The following ERBB4 variants were observed in gnomAD, a reference collection of about 807,000 sequenced individuals.
ERBB4 encodes the protein erb-b2 receptor tyrosine kinase 4.
ERBB4 carries 42 observed loss-of-function variants against 158.0 expected under a neutral mutation model. The observed-to-expected ratio is 0.27, with a 90% confidence interval of 0.21 to 0.34. ERBB4 has a LOEUF of 0.34. Ranked by LOEUF, ERBB4 falls within the 10% of genes least tolerant of loss-of-function variation. The pLI, the probability that ERBB4 is intolerant of heterozygous loss-of-function variation, is 1.00. For missense variants in ERBB4, 1,333 were observed against 1,624.1 expected (o/e 0.82, Z 3.08); for synonymous variants, 583 against 558.7 (o/e 1.04, Z -0.61).
chr2:212,062,536 T>C (rs2077812260), intron 2 of ERBB4, among the ~76,000 whole-genome samples: 1 of 148,952 alleles, frequency 6.7e-6, no homozygotes, highest in African/African-American at 2.5e-5. Context: ...GCCTCCCGAG[T>C]AGCTGAGATT....
At chr2:211,572,772 T>A (rs1459161609) in intron 19 of ERBB4, among the ~76,000 whole-genome samples, 3 of 152,250 alleles carry the variant, frequency 2.0e-5, no homozygotes, top group African/African-American at 7.2e-5. Flanking sequence ...CAACTTTGTA[T>A]GCCATGTGTT....
chr2:211,892,560 C>T (rs998904010), intron 3 of ERBB4, among the ~76,000 whole-genome samples: 1 of 142,506 alleles, frequency 7.0e-6, no homozygotes, highest in Non-Finnish European at 1.5e-5. Context: ...CTGGCCAGGG[C>T]AATTAGGCAG....
chr2:212,338,820 A>G (rs1029918079), intron 1 of ERBB4, among the ~76,000 whole-genome samples: 1 of 152,186 alleles, frequency 6.6e-6, no homozygotes, highest in African/African-American at 2.4e-5. Flanking sequence ...AAACATTCAT[A>G]TGGAGAAATT....
chr2:212,094,159 G>A (rs2078860186), intron 2 of ERBB4, among the ~76,000 whole-genome samples: 2 of 151,918 alleles, frequency 1.3e-5, no homozygotes, highest in African/African-American at 4.8e-5. Flanking sequence ...TTCACTGATG[G>A]GGTGAACCTC....
chr2:212,079,044 T>C (rs150544956), intron 2 of ERBB4, among the ~76,000 whole-genome samples: 1 of 151,326 alleles, frequency 6.6e-6, no homozygotes, highest in East Asian at 1.9e-4. Context: ...ATATTATCCA[T>C]AAAGCATAAT....
intron 25 of ERBB4, among the ~76,000 whole-genome samples, chr2:211,393,771 G>A (rs2125335505): frequency 6.7e-6 from 1 of 149,066 alleles, no homozygotes; most frequent in East Asian, 1.9e-4. Flanking sequence ...GTGTGTGTGT[G>A]TGTGTGTGTG....
chr2:212,509,566 A>G (rs898482048), intron 1 of ERBB4, among the ~76,000 whole-genome samples: 1 of 151,524 alleles, frequency 6.6e-6, no homozygotes, highest in African/African-American at 2.4e-5. Flanking sequence ...ACCTGTAAAT[A>G]ATTTAATTTA....
intron 2 of ERBB4, among the ~76,000 whole-genome samples, chr2:212,045,117 A>C (rs1185876659): frequency 1.3e-5 from 2 of 152,150 alleles, no homozygotes; most frequent in African/African-American, 4.8e-5. Context: ...TCTCAACTTG[A>C]CCTTTGGGAC....
At chr2:212,218,913 T>C (rs9288447) in intron 1 of ERBB4, among the ~76,000 whole-genome samples, 69,139 of 151,128 alleles carry the variant, frequency 0.46, 16,290 homozygotes, top group East Asian at 0.77. Context: ...TTTTAAAAGT[T>C]CACCATATGT....
chr2:212,430,290 G>A (rs2091998265), intron 1 of ERBB4, among the ~76,000 whole-genome samples: 1 of 152,138 alleles, frequency 6.6e-6, no homozygotes, highest in Non-Finnish European at 1.5e-5. Flanking sequence ...TCTACACCAT[G>A]TCTATATCAA....
intron 25 of ERBB4, among the ~76,000 whole-genome samples, chr2:211,395,022 G>A (rs548079874): frequency 7.9e-5 from 12 of 152,124 alleles, no homozygotes; most frequent in African/African-American, 2.2e-4. Context: ...AAGGATTTAC[G>A]TGTAAAATAA....
chr2:211,418,995 A>T (rs2063455814), intron 25 of ERBB4, among the ~76,000 whole-genome samples: 1 of 152,144 alleles, frequency 6.6e-6, no homozygotes, highest in Admixed American at 6.5e-5. Flanking sequence ...TCCATATCAG[A>T]TCTTCTAAAT....
At chr2:212,251,186 T>C (rs2084518989) in intron 1 of ERBB4, among the ~76,000 whole-genome samples, 1 of 152,014 alleles carries the variant, frequency 6.6e-6, no homozygotes, top group African/African-American at 2.4e-5. Flanking sequence ...AAATTTCTAT[T>C]AGGAAGAATT....
At chr2:211,709,841 C>T (rs2073624173) in intron 9 of ERBB4, among the ~76,000 whole-genome samples, 1 of 152,106 alleles carries the variant, frequency 6.6e-6, no homozygotes. Flanking sequence ...CAATGAAAGT[C>T]ATTTCCCTCT....
At chr2:211,538,957 T>C (rs1253312584) in intron 20 of ERBB4, among the ~76,000 whole-genome samples, 1 of 151,930 alleles carries the variant, frequency 6.6e-6, no homozygotes, top group East Asian at 1.9e-4. Flanking sequence ...ATCTTGATTA[T>C]GTGCACTGAC....
At position 211,706,604 on chromosome 2, in the gene ERBB4, A is replaced by AAC. The variant is rs1553614607; in HGVS notation, c.1125-1214_1125-1213insGT. ...ACCATTCCACATCTTAAAAAAACAAAAAAAAAAAAAACAAAAAAAACTTTG... is the reference window on the plus strand; with the variant it reads ...ACCATTCCACATCTTAAAAAAACAAAACAAAAAAAAAAACAAAAAAAACTTTG... On this transcript the variant is annotated intron_variant, in intron 9 of 27. Coordinates refer to ENST00000342788, the MANE Select transcript of ERBB4 (RefSeq NM_005235.3). Among the ~76,000 whole-genome samples, 1,468 of 149,604 alleles carry AAC rather than the reference A, an allele frequency of 9.8e-3. 6 individuals carry two copies. Among genetic ancestry groups the AAC allele is most frequent in the East Asian group, 0.025 (128 of 5,076 alleles).
At chr2:211,586,027 T>C (rs1163450999) in intron 19 of ERBB4, among the ~76,000 whole-genome samples, 1 of 152,218 alleles carries the variant, frequency 6.6e-6, no homozygotes, top group Non-Finnish European at 1.5e-5. Context: ...AAATATTTCC[T>C]GCCTTCCTTC....
intron 18 of ERBB4, among the ~76,000 whole-genome samples, chr2:211,621,406 T>C (rs2069596931): frequency 6.6e-6 from 1 of 152,098 alleles, no homozygotes; most frequent in South Asian, 2.1e-4. Flanking sequence ...CCTTTATAGT[T>C]TAAGACAGTA....
intron 19 of ERBB4, among the ~76,000 whole-genome samples, chr2:211,615,896 T>C (rs1459421955): frequency 2.0e-5 from 3 of 152,136 alleles, no homozygotes; most frequent in Non-Finnish European, 2.9e-5. Context: ...GTCTAATGAT[T>C]AATAAGATTG....
Sources: allele counts gnomAD v4.1 joint callset (sites outside exome capture counted in the v4.1 genomes callset), GRCh38; gene constraint gnomAD v4.1.1; transcripts MANE v1.5; gene names NCBI Gene and HGNC (gene_info 2026-07-23, HGNC 2026-07-21).